The following IKZF3 variants were observed in gnomAD, a reference collection of about 807,000 sequenced individuals.
The protein encoded by IKZF3 is zinc finger protein Aiolos.
In IKZF3, 10 loss-of-function variants were observed where a neutral mutation model predicts 49.0. That is an observed-to-expected ratio of 0.20 (90% CI 0.13 to 0.35). IKZF3 has a LOEUF of 0.35. IKZF3 is among the 10% of genes least tolerant of loss of function. The pLI is 1.00. For missense variants in IKZF3, 498 were observed against 664.8 expected, an observed-to-expected ratio of 0.75 and a Z score of 2.76; for synonymous variants, 209 against 228.2, an observed-to-expected ratio of 0.92 and a Z score of 0.76.
intron 3 of IKZF3, among the ~76,000 whole-genome samples, chr17:39,825,137 C>T (rs2061924051): frequency 6.6e-6 from 1 of 152,174 alleles, no homozygotes; most frequent in Admixed American, 6.5e-5. Flanking sequence ...TCAATTAAAC[C>T]TCTTTTCTTT....
At chr17:39,776,074 G>A (rs1263631043) in intron 7 of IKZF3, among the ~76,000 whole-genome samples, 1 of 152,082 alleles carries the variant, frequency 6.6e-6, no homozygotes, top group African/African-American at 2.4e-5. Context: ...AACATGAGGA[G>A]ACTCTATCTC....
At chr17:39,811,309 A>G (rs9914757) in intron 3 of IKZF3, among the ~76,000 whole-genome samples, 13,414 of 149,428 alleles carry the variant, frequency 0.09, 1,250 homozygotes, top group African/African-American at 0.24. Context: ...GAGAAAGAGA[A>G]AGAGAGAAGG....
Position 39,795,045 on chromosome 17 carries a change from T to A in IKZF3, c.164-2112A>T, listed in dbSNP as rs117028902. Among the ~76,000 whole-genome samples the A allele has an allele frequency of 9.5e-4, 144 of 152,348 alleles. 2 individuals are homozygous for A. The East Asian group carries it at 0.016, about 17-fold the overall frequency. ...GTGAACATGACCAGACTCAGGCCACTCCATGGTCACTGAACTTTAAAATGT... is the reference window on the plus strand; with the variant it reads ...GTGAACATGACCAGACTCAGGCCACACCATGGTCACTGAACTTTAAAATGT... On this transcript the variant is annotated intron_variant, in intron 3 of 7. Coordinates refer to ENST00000346872, the MANE Select transcript of IKZF3 (RefSeq NM_012481.5).
At chr17:39,806,515 G>A (rs1232958102) in intron 3 of IKZF3, among the ~76,000 whole-genome samples, 1 of 152,190 alleles carries the variant, frequency 6.6e-6, no homozygotes, top group African/African-American at 2.4e-5. Flanking sequence ...CATTAGAGAA[G>A]TGTGAATTAA....
chr17:39,845,120 T>C (rs566345455), intron 1 of IKZF3, among the ~76,000 whole-genome samples: 3 of 152,350 alleles, frequency 2.0e-5, no homozygotes, highest in Admixed American at 6.5e-5. Context: ...CCTGTTATTG[T>C]ACTGCCTGTG....
intron 1 of IKZF3, among the ~76,000 whole-genome samples, chr17:39,846,372 C>A (rs2062631478): frequency 6.6e-6 from 1 of 152,066 alleles, no homozygotes; most frequent in Non-Finnish European, 1.5e-5. Flanking sequence ...GACTTCATCA[C>A]ATGCTTACTA....
intron 3 of IKZF3, among the ~76,000 whole-genome samples, chr17:39,795,897 A>G (rs907532673): frequency 6.6e-6 from 1 of 151,542 alleles, no homozygotes; most frequent in Non-Finnish European, 1.5e-5. Flanking sequence ...CACTAAAAAT[A>G]TAGAAAATTA....
intron 3 of IKZF3, among the ~76,000 whole-genome samples, chr17:39,818,809 G>A (rs1319950041): frequency 2.6e-5 from 4 of 152,192 alleles, no homozygotes; most frequent in Admixed American, 1.3e-4. Flanking sequence ...AGTGAGCTGA[G>A]CTCGCACCAC....
Position 39,791,542 on chromosome 17 carries a change from T to C in IKZF3, c.466A>G (p.Thr156Ala). 1 of 1,613,986 alleles carries C rather than the reference T, an allele frequency of 6.2e-7. No individual in the cohort carries two copies. The highest frequency in any genetic ancestry group is 1.3e-5 in the African/African-American group (1 of 74,998). The change falls in exon 5 of 8, where the codon ACT (threonine) becomes GCT (alanine). Residue 156 changes from threonine to alanine, a missense_variant. Physicochemically the swap from Thr to Ala is moderately conservative, Grantham distance 58. Coordinates refer to ENST00000346872, the MANE Select transcript of IKZF3 (RefSeq NM_012481.5). ...TGGCGGAGGAGGTTACCTTTCTGAG[T>C]AAAAGATGCCCCACACTGATTACAC... ...FQCNQCGASF[T>A]QKGNLLRHIK...
Position 39,763,923 on chromosome 17 carries a change from C to T in IKZF3, c.*1867G>A, listed in dbSNP as rs1013148059. The T allele has an allele frequency of 2.0e-5, 3 of 152,094 alleles. No individual in the cohort carries two copies. The highest frequency in any genetic ancestry group is 7.2e-5 in the African/African-American group (3 of 41,392). The allele number at this position is 152,094 out of a possible 1,614,324, so 9.4% of individuals were successfully genotyped here. On this transcript the variant is annotated 3_prime_UTR_variant, in exon 8 of 8. Coordinates refer to ENST00000346872, the MANE Select transcript of IKZF3 (RefSeq NM_012481.5). Reference sequence around the variant, plus strand: ...GACTGGAGTGCAGTAGTGTGATCTCCACTCACCGCAACCTCAACCTCCCAG... The same window carrying T: ...GACTGGAGTGCAGTAGTGTGATCTCTACTCACCGCAACCTCAACCTCCCAG...
intron 1 of IKZF3, among the ~76,000 whole-genome samples, chr17:39,834,804 G>T (rs1188020149): frequency 2.0e-5 from 3 of 152,220 alleles, no homozygotes; most frequent in African/African-American, 4.8e-5. Context: ...TGGGCAAGGG[G>T]GGTATCCCAG....
At chr17:39,852,856 A>C (rs1166951749) in intron 1 of IKZF3, among the ~76,000 whole-genome samples, 1 of 152,130 alleles carries the variant, frequency 6.6e-6, no homozygotes, top group Non-Finnish European at 1.5e-5. Flanking sequence ...CTATAATCTC[A>C]GCTACTCAGG....
chr17:39,825,839 A>G (rs1044710420), intron 3 of IKZF3, among the ~76,000 whole-genome samples: 2 of 152,218 alleles, frequency 1.3e-5, no homozygotes, highest in Admixed American at 6.5e-5. Context: ...ATTGCCCAGA[A>G]GAGTTCTATA....
rs775223017 is a variant in IKZF3 at position 39,766,150 on chromosome 17, G to T, written c.1170C>A (p.Asp390Glu). ...NNSGHDSTDT[D>E]SNHEERQNHI... is the part of the protein sequence containing the mutation. The stretch of plus-strand genomic sequence containing the variant: ...GATTCTGGCGTTCTTCATGGTTGCT[G>T]TCAGTGTCCGTGGAGTCGTGGCCAC... The change falls in exon 8 of 8, where the codon GAC (aspartate) becomes GAA (glutamate). Residue 390 changes from aspartate (D) to glutamate (E), a missense_variant. Coordinates refer to ENST00000346872, the MANE Select transcript of IKZF3 (RefSeq NM_012481.5). 14 of 1,614,164 alleles carry T rather than the reference G, an allele frequency of 8.7e-6. No individual in the cohort carries two copies. The highest frequency in any genetic ancestry group is 1.2e-5 in the Non-Finnish European group (14 of 1,180,014).
chr17:39,809,925 C>A (rs1392282074), intron 3 of IKZF3, among the ~76,000 whole-genome samples: 1 of 152,140 alleles, frequency 6.6e-6, no homozygotes, highest in East Asian at 1.9e-4. Context: ...CATGCCAGTG[C>A]ATATGAAACT....
At position 39,788,341 on chromosome 17, in the gene IKZF3, C is replaced by A; in HGVS notation, c.626G>T (p.Arg209Met). The A allele has an allele frequency of 6.2e-7, 1 of 1,613,800 alleles. No individual in the cohort carries two copies. Among genetic ancestry groups the A allele is most frequent in the Non-Finnish European group, 8.5e-7 (1 of 1,179,800 alleles). ...EKPYKCEFCG[R>M]SYKQRSSLEE... ...AAGGGAACTTCTCTGCTTGTAACTC[C>A]TTCCACAAAACTCACATTTGTAGGG... Residue 209 changes from arginine (R) to methionine (M), a missense_variant, in exon 6 of 8, where the codon AGG (arginine) becomes ATG (methionine). Physicochemically the swap from Arg to Met is moderately conservative, Grantham distance 91. Around this residue, in one of 3 missense-constraint regions of IKZF3, gnomAD observed 84 missense variants for 168.6 expected, o/e 0.50. Transcript: ENST00000346872.
At position 39,778,519 on chromosome 17, in the gene IKZF3, T is replaced by C. The variant is rs561013850; in HGVS notation, c.710-752A>G. Among the ~76,000 whole-genome samples the C allele has an allele frequency of 3.9e-5, 6 of 152,322 alleles. No individual in the cohort carries two copies. In the East Asian group the frequency reaches 7.7e-4, roughly 20 times the overall value. On this transcript the variant is annotated intron_variant, in intron 6 of 7. Coordinates refer to ENST00000346872, the MANE Select transcript of IKZF3 (RefSeq NM_012481.5). ...TAAAAATGTGAATAAAAACTGCCTATGGGCTGGGTGCGGTGGCTCATGCCT... is the reference window on the plus strand; with the variant it reads ...TAAAAATGTGAATAAAAACTGCCTACGGGCTGGGTGCGGTGGCTCATGCCT...
In IKZF3 at chr17:39,849,474, C is replaced by T. The variant is rs552855256; in HGVS notation, c.7+14646G>A. On this transcript the variant is annotated intron_variant, in intron 1 of 7. Transcript: ENST00000346872. ...AGGAGTTTGAGACCAGCCTGGCCAA[C>T]ATGGTGAAACTCCACCTCTACTAAA... Among the ~76,000 whole-genome samples, 11 of 152,128 alleles carry T rather than the reference C, an allele frequency of 7.2e-5. No homozygotes were observed. In the South Asian group the frequency reaches 2.3e-3, roughly 32 times the overall value.
chr17:39,775,175 T>A (rs965824140), intron 7 of IKZF3, among the ~76,000 whole-genome samples: 3 of 151,704 alleles, frequency 2.0e-5, no homozygotes, highest in South Asian at 2.1e-4. Context: ...AATCCAGTAC[T>A]CTTCTTATTG....
Sources: allele counts gnomAD v4.1 joint callset (sites outside exome capture counted in the v4.1 genomes callset), GRCh38; gene constraint gnomAD v4.1.1; regional missense constraint gnomAD v4.1.1; transcripts MANE v1.5; gene names NCBI Gene and HGNC (gene_info 2026-07-23, HGNC 2026-07-21).